Variants in FGF14 observed in about 807,000 individuals in gnomAD.
The protein encoded by FGF14 is fibroblast growth factor 14.
FGF14 carries 5 observed loss-of-function variants against 25.5 expected under a neutral mutation model. The ratio of observed to expected loss-of-function variants is 0.20; its 90% CI spans 0.10 to 0.41. FGF14 has a LOEUF of 0.41. FGF14 is among the 10% of genes least tolerant of loss of function. The pLI, the probability that FGF14 is intolerant of heterozygous loss-of-function variation, is 1.00. For missense variants in FGF14, 222 were observed against 320.1 expected (o/e 0.69, Z 2.34); for synonymous variants, 138 against 118.3 (o/e 1.17, Z -1.08).
intron 3 of FGF14, among the ~76,000 whole-genome samples, chr13:101,790,132 T>TTG (rs1423666774): frequency 2.6e-5 from 4 of 151,746 alleles, no homozygotes; most frequent in Non-Finnish European, 5.9e-5. Context: ...ATTTTGGTTT[T>TTG]TTTTTTCATT....
chr13:102,159,690 A>G (rs1416851293), intron 1 of FGF14, among the ~76,000 whole-genome samples: 2 of 152,194 alleles, frequency 1.3e-5, no homozygotes, highest in Admixed American at 1.3e-4. Context: ...CCTGCATGGT[A>G]CCTGACCCAC....
intron 3 of FGF14, among the ~76,000 whole-genome samples, chr13:101,755,180 T>C (rs2037560360): frequency 6.6e-6 from 1 of 152,240 alleles, no homozygotes; most frequent in African/African-American, 2.4e-5. Flanking sequence ...GAAGACATTC[T>C]AGAAATACTT....
At chr13:101,919,171 T>C (rs542697024), upstream of FGF14, among the ~76,000 whole-genome samples, 1 of 152,288 alleles carries the variant, frequency 6.6e-6, no homozygotes, top group South Asian at 2.1e-4. Flanking sequence ...TTCACTGAAA[T>C]GAGTCCTACT....
intron 1 of FGF14, among the ~76,000 whole-genome samples, chr13:102,153,905 G>A (rs529565064): frequency 6.6e-6 from 1 of 152,172 alleles, no homozygotes; most frequent in South Asian, 2.1e-4. Context: ...ATTTATAAAG[G>A]TGGTCTTATC....
intron 3 of FGF14, among the ~76,000 whole-genome samples, chr13:101,770,998 A>G (rs897612877): frequency 3.3e-4 from 50 of 152,114 alleles, no homozygotes; most frequent in African/African-American, 1.1e-3. Context: ...AAATTATATT[A>G]AACTATACTA....
rs552855377 is a variant in FGF14 at position 102,212,792 on chromosome 13, G to A, written c.208+188679C>T. On this transcript the variant is annotated intron_variant, in intron 1 of 4. Transcript: ENST00000376131. ...TTACAGCCATCTCAACACATATTATGAGTTGAATTATGATGGGCTTCTACC... is the reference window on the plus strand; with the variant it reads ...TTACAGCCATCTCAACACATATTATAAGTTGAATTATGATGGGCTTCTACC... Among the ~76,000 whole-genome samples, 11 of 152,262 alleles carry A rather than the reference G, an allele frequency of 7.2e-5. No individual in the cohort carries two copies. In the South Asian group the frequency reaches 2.3e-3, roughly 32 times the overall value.
At chr13:101,891,593 T>C (rs952895488) in intron 1 of FGF14, among the ~76,000 whole-genome samples, 4 of 152,188 alleles carry the variant, frequency 2.6e-5, no homozygotes, top group African/African-American at 9.6e-5. Context: ...AAACATTAAT[T>C]GACATCATCC....
chr13:101,883,167 T>C (rs1215281316), intron 1 of FGF14, among the ~76,000 whole-genome samples: 1 of 152,214 alleles, frequency 6.6e-6, no homozygotes, highest in Non-Finnish European at 1.5e-5. Flanking sequence ...TTGAATTCAG[T>C]TGCAACCAGT....
intron 1 of FGF14, among the ~76,000 whole-genome samples, chr13:102,154,981 C>A (rs1374705380): frequency 6.6e-6 from 1 of 152,162 alleles, no homozygotes. Flanking sequence ...AATATATATG[C>A]ACCAAATACA....
intron 1 of FGF14, among the ~76,000 whole-genome samples, chr13:102,220,605 A>G (rs1231545614): frequency 6.6e-6 from 1 of 152,240 alleles, no homozygotes; most frequent in Non-Finnish European, 1.5e-5. Flanking sequence ...GCACAAAAGT[A>G]AAATATTTGA....
intron 1 of FGF14, among the ~76,000 whole-genome samples, chr13:101,914,932 A>G (rs772276008): frequency 2.6e-4 from 40 of 152,196 alleles, no homozygotes; most frequent in Non-Finnish European, 5.6e-4. Flanking sequence ...ATCAACGGTG[A>G]TTAAGGCAGT....
intron 3 of FGF14, among the ~76,000 whole-genome samples, chr13:101,752,014 A>AT (rs1186887420): frequency 7.9e-5 from 12 of 151,922 alleles, no homozygotes; most frequent in East Asian, 1.9e-4. Flanking sequence ...ACTGTGGAGA[A>AT]TTTTTTTTTC....
chr13:101,857,816 A>G (rs9518586), intron 3 of FGF14, among the ~76,000 whole-genome samples: 89,797 of 151,770 alleles, frequency 0.59, 27,063 homozygotes, highest in South Asian at 0.77. Flanking sequence ...TCAAATAAAT[A>G]CACACTATTG....
rs1019454348 is a variant in FGF14 at position 101,721,598 on chromosome 13, AT to A, written c.*1232del. On this transcript the variant is annotated 3_prime_UTR_variant, in exon 5 of 5. Coordinates refer to ENST00000376143, the MANE Select transcript of FGF14 (RefSeq NM_004115.4). ...GACTCAGCATGCTGAGCTAAAAAAA[AT>A]ATTTTTCCTAATATGTCCAGTTTAA... 4.6e-5 allele frequency: 7 copies of A among 152,146 alleles called. No homozygotes were observed. Among genetic ancestry groups the A allele is most frequent in the Non-Finnish European group, 8.8e-5 (6 of 68,022 alleles). 9.4% of individuals were successfully genotyped at this position (152,146 alleles called of 1,614,324 possible). A position where few individuals can be genotyped will look rare whatever the true frequency, so the allele number is the denominator to read the frequency against.
chr13:101,729,790 C>T (rs938447695), intron 3 of FGF14, among the ~76,000 whole-genome samples: 8 of 151,918 alleles, frequency 5.3e-5, no homozygotes, highest in Admixed American at 5.3e-4. Flanking sequence ...CAATGAAAAC[C>T]ATTTTACACA....
chr13:102,085,852 T>C (rs563231330), intron 1 of FGF14, among the ~76,000 whole-genome samples: 27 of 152,298 alleles, frequency 1.8e-4, no homozygotes, highest in Non-Finnish European at 2.2e-4. Flanking sequence ...TCACTCTACC[T>C]TATATATGGA....
intron 1 of FGF14, among the ~76,000 whole-genome samples, chr13:102,344,473 A>G (rs573399228): frequency 6.6e-6 from 1 of 152,372 alleles, no homozygotes; most frequent in East Asian, 1.9e-4. Flanking sequence ...TGAAAAATGT[A>G]TTTTTAAAAA....
Position 101,714,710 on chromosome 13 carries a change from C to T in FGF14, c.*8121G>A. Reference sequence around the variant, plus strand: ...GTGGGCATTTGGGAAAAAGCCCTCACAAAAGCCTCACATTATTCCTAGGCA... The same window carrying T: ...GTGGGCATTTGGGAAAAAGCCCTCATAAAAGCCTCACATTATTCCTAGGCA... On this transcript the variant is annotated 3_prime_UTR_variant, in exon 5 of 5. Transcript: ENST00000376143. 1 of 604,562 alleles carries T rather than the reference C, an allele frequency of 1.7e-6. No homozygotes were observed. The highest frequency in any genetic ancestry group is 3.0e-6 in the Non-Finnish European group (1 of 336,882). The allele number at this position is 604,562 out of a possible 1,614,324, so 37.4% of individuals were successfully genotyped here. A position where few individuals can be genotyped will look rare whatever the true frequency, so the allele number is the denominator to read the frequency against.
At chr13:102,027,397 G>T (rs922340416) in intron 1 of FGF14, among the ~76,000 whole-genome samples, 1 of 151,498 alleles carries the variant, frequency 6.6e-6, no homozygotes, top group African/African-American at 2.4e-5. Context: ...TATAAATGGA[G>T]ATTAAATGAG....
Sources: gnomAD v4.1 joint callset for allele counts (sites outside exome capture counted in the v4.1 genomes callset) on GRCh38, gnomAD v4.1.1 for gene constraint, MANE v1.5 for transcripts, NCBI Gene and HGNC (gene_info 2026-07-23, HGNC 2026-07-21) for gene names.